The following ADAMTS2 variants were observed in gnomAD, a reference collection of about 807,000 sequenced individuals.
ADAMTS2 encodes the protein A disintegrin and metalloproteinase with thrombospondin motifs 2.
Under a neutral mutation model 123.0 loss-of-function variants are expected in ADAMTS2, and 50 were observed. The ratio of observed to expected loss-of-function variants is 0.41; its 90% CI spans 0.32 to 0.51. The LOEUF (loss-of-function observed/expected upper bound fraction) is 0.51, where lower values mean the gene tolerates loss of function less well. Ranked by LOEUF, ADAMTS2 falls within the 20% of genes least tolerant of loss-of-function variation. The probability of loss-of-function intolerance (pLI) is 0.35; values close to 1 mark genes in which losing one functional copy is unlikely to be tolerated. For missense variants in ADAMTS2, 1,494 were observed against 1,705.2 expected (o/e 0.88, Z 2.18); for synonymous variants, 678 against 695.4 (o/e 0.98, Z 0.39).
rs1055933976 is a variant in ADAMTS2 at position 179,118,339 on chromosome 5, A to G, written c.3178+3322T>C. On this transcript the variant is annotated intron_variant, in intron 21 of 21. Coordinates refer to ENST00000251582, the MANE Select transcript of ADAMTS2 (RefSeq NM_014244.5). The surrounding 1 kb of genome is among the most constrained non-coding windows in gnomAD (Gnocchi z 4.5). ...CAGAGAAGAGTGATGCACCTGAGGT[A>G]ATGACTGGCGATGCCTCTCCGCCAA... 6.6e-6 allele frequency among the ~76,000 whole-genome samples: 1 copy of G among 152,088 alleles called. No homozygotes were observed. The highest frequency in any genetic ancestry group is 1.5e-5 in the Non-Finnish European group (1 of 68,024).
intron 3 of ADAMTS2, among the ~76,000 whole-genome samples, chr5:179,250,628 C>A (rs574256614): frequency 6.6e-6 from 1 of 152,250 alleles, no homozygotes; most frequent in Non-Finnish European, 1.5e-5. Flanking sequence ...AGCCCAGGCC[C>A]CAGGCAACCC....
At position 179,180,600 on chromosome 5, in the gene ADAMTS2, T is replaced by C. The variant is rs1296980019; in HGVS notation, c.975+472A>G. ...CCACCTCCTTTATCAGACTTCACACTCTGAGCCACTATCCCCCTGCCCTCA... is the reference window on the plus strand; with the variant it reads ...CCACCTCCTTTATCAGACTTCACACCCTGAGCCACTATCCCCCTGCCCTCA... On this transcript the variant is annotated intron_variant, in intron 5 of 21. Coordinates refer to ENST00000251582, the MANE Select transcript of ADAMTS2 (RefSeq NM_014244.5). This position sits in a 1 kb window ranked among gnomAD's most constrained non-coding sequence, Gnocchi z 4.6. 6.6e-6 allele frequency among the ~76,000 whole-genome samples: 1 copy of C among 152,050 alleles called. No homozygotes were observed. Among genetic ancestry groups the C allele is most frequent in the Middle Eastern group, 3.2e-3 (1 of 316 alleles).
intron 3 of ADAMTS2, among the ~76,000 whole-genome samples, chr5:179,239,902 G>A (rs1168384228): frequency 2.0e-5 from 3 of 152,198 alleles, no homozygotes; most frequent in South Asian, 2.1e-4. Flanking sequence ...TGCTAGGGAT[G>A]GCGACTGAGG....
chr5:179,206,827 G>A lies in ADAMTS2; in HGVS notation c.891+686C>T, dbSNP rs533970370. Among the ~76,000 whole-genome samples the A allele has an allele frequency of 9.8e-5, 15 of 152,352 alleles. No individual in the cohort carries two copies. In the South Asian group the frequency reaches 3.1e-3, roughly 32 times the overall value. ...AGGTTGTTGGGGGTATGGAATGAGG[G>A]GGAGGTGGTTCTTTAATCTCTTAGT... On this transcript the variant is annotated intron_variant, in intron 4 of 21. Coordinates refer to ENST00000251582, the MANE Select transcript of ADAMTS2 (RefSeq NM_014244.5).
At chr5:179,126,874 T>G (rs4700783) in intron 17 of ADAMTS2, among the ~76,000 whole-genome samples, 22,502 of 149,456 alleles carry the variant, frequency 0.15, 1,735 homozygotes, top group African/African-American at 0.2. Context: ...AGGAGAAGCC[T>G]GCGCAGAGGC....
At position 179,117,699 on chromosome 5, in the gene ADAMTS2, G is replaced by A. The variant is rs192757232; in HGVS notation, c.3179-3375C>T. ...ACTACAGGTGCGTGCCACCATGCCC[G>A]GCTAATTTTTGTATTTTTAGTAGAG... On this transcript the variant is annotated intron_variant, in intron 21 of 21. Coordinates refer to ENST00000251582, the MANE Select transcript of ADAMTS2 (RefSeq NM_014244.5). This position sits in a 1 kb window ranked among gnomAD's most constrained non-coding sequence, Gnocchi z 4.2. 6.0e-4 allele frequency among the ~76,000 whole-genome samples: 91 copies of A among 152,080 alleles called. No homozygotes were observed. Among genetic ancestry groups the A allele is most frequent in the African/African-American group, 2.1e-3 (88 of 41,486 alleles).
In ADAMTS2 at chr5:179,189,298, G is replaced by A. The variant is rs544518930; in HGVS notation, c.892-8143C>T. Among the ~76,000 whole-genome samples, 17 of 152,072 alleles carry A rather than the reference G, an allele frequency of 1.1e-4. No homozygotes were observed. The highest frequency in any genetic ancestry group is 1.9e-4 in the Non-Finnish European group (13 of 68,014). Reference sequence around the variant, plus strand: ...AAAAAGAGAGTCAGCAAAGGGTGGTGGGACTACCATTCGTTGGTATAGGTT... The same window carrying A: ...AAAAAGAGAGTCAGCAAAGGGTGGTAGGACTACCATTCGTTGGTATAGGTT... On this transcript the variant is annotated intron_variant, in intron 4 of 21. Transcript: ENST00000251582. This position sits in a 1 kb window ranked among gnomAD's most constrained non-coding sequence, Gnocchi z 4.2.
chr5:179,154,576 C>T (rs991255147), intron 7 of ADAMTS2, among the ~76,000 whole-genome samples: 1 of 152,244 alleles, frequency 6.6e-6, no homozygotes, highest in African/African-American at 2.4e-5. Flanking sequence ...GTCCCCAGCT[C>T]TAGCTGGCCC....
At chr5:179,283,611 G>A (rs377406147) in intron 2 of ADAMTS2, among the ~76,000 whole-genome samples, 1 of 130,760 alleles carries the variant, frequency 7.6e-6, no homozygotes, top group East Asian at 2.3e-4. Flanking sequence ...ACAGAAGTAA[G>A]AACAAATATA....
At chr5:179,123,947 G>A (rs1561766945) in intron 19 of ADAMTS2, among the ~76,000 whole-genome samples, 3 of 152,142 alleles carry the variant, frequency 2.0e-5, no homozygotes, top group African/African-American at 4.8e-5. Flanking sequence ...AACCCTGGAC[G>A]CCCAGGCTCT....
At position 179,185,699 on chromosome 5, in the gene ADAMTS2, C is replaced by T. The variant is rs953376901; in HGVS notation, c.892-4544G>A. On this transcript the variant is annotated intron_variant, in intron 4 of 21. Coordinates refer to ENST00000251582, the MANE Select transcript of ADAMTS2 (RefSeq NM_014244.5). The surrounding 1 kb of genome is among the most constrained non-coding windows in gnomAD (Gnocchi z 5.9). The stretch of plus-strand genomic sequence containing the variant: ...CTCACATTCTGCTTGGAGGTGGGGT[C>T]GAGGCAGCTGAGCCCTGGGGTGTCA... Among the ~76,000 whole-genome samples, 7 of 151,922 alleles carry T rather than the reference C, an allele frequency of 4.6e-5. No individual in the cohort carries two copies. Among genetic ancestry groups the T allele is most frequent in the African/African-American group, 1.2e-4 (5 of 41,364 alleles).
Position 179,314,675 on chromosome 5 carries a change from C to T in ADAMTS2, c.534+29092G>A. On this transcript the variant is annotated intron_variant, in intron 2 of 21. Coordinates refer to ENST00000251582, the MANE Select transcript of ADAMTS2 (RefSeq NM_014244.5). This position sits in a 1 kb window ranked among gnomAD's most constrained non-coding sequence, Gnocchi z 4.5. ...CCCACAGGGTGACGGGCCAGAATTA[C>T]AAGCCCCTGATTCTGGGGGCTTCCA... is the stretch of plus-strand genomic sequence containing the variant. Among the ~76,000 whole-genome samples the T allele has an allele frequency of 6.6e-6, 1 of 151,856 alleles. No individual in the cohort carries two copies. Among genetic ancestry groups the T allele is most frequent in the Non-Finnish European group, 1.5e-5 (1 of 68,018 alleles).
In ADAMTS2 at chr5:179,136,058, C is replaced by T; in HGVS notation, c.1952-16G>A. On this transcript the variant is annotated splice_polypyrimidine_tract_variant and intron_variant, in intron 12 of 21. Transcript: ENST00000251582. ...CTCTCCTTGGCTGGAAGGGAAGCAG[C>T]TGGGGGTCTGCAAGGAGCCCTGATG... 1 of 1,613,038 alleles carries T rather than the reference C, an allele frequency of 6.2e-7. No homozygotes were observed.
chr5:179,114,499 G>A (rs1043751075), intron 21 of ADAMTS2, among the ~76,000 whole-genome samples, 175 bp from the exon 22 acceptor site: 3 of 152,150 alleles, frequency 2.0e-5, no homozygotes, highest in Non-Finnish European at 4.4e-5. Flanking sequence ...CCCAGTGCAG[G>A]CAGTGTCCAG....
At chr5:179,224,141 T>C (rs1765214199) in intron 3 of ADAMTS2, among the ~76,000 whole-genome samples, 1 of 152,160 alleles carries the variant, frequency 6.6e-6, no homozygotes, top group Admixed American at 6.5e-5. Context: ...TTCCTGGCCG[T>C]CATTTACAGG....
At chr5:179,193,718 C>G (rs1428316576) in intron 4 of ADAMTS2, among the ~76,000 whole-genome samples, 1 of 152,218 alleles carries the variant, frequency 6.6e-6, no homozygotes, top group African/African-American at 2.4e-5. Context: ...CGTGCCAGGC[C>G]TTTTCCAGGT....
chr5:179,223,903 G>A (rs992378213), intron 3 of ADAMTS2, among the ~76,000 whole-genome samples: 1 of 152,262 alleles, frequency 6.6e-6, no homozygotes, highest in African/African-American at 2.4e-5. Flanking sequence ...GACTGAGGTG[G>A]CCCTTGACCC....
chr5:179,180,975 G>A lies in ADAMTS2; in HGVS notation c.975+97C>T. The A allele has an allele frequency of 2.1e-6, 2 of 943,616 alleles. No individual in the cohort carries two copies. The highest frequency in any genetic ancestry group is 5.0e-5 in the East Asian group (2 of 40,112). 58.5% of individuals were successfully genotyped at this position (943,616 alleles called of 1,614,324 possible). A position where few individuals can be genotyped will look rare whatever the true frequency, so the allele number is the denominator to read the frequency against. On this transcript the variant is annotated intron_variant, in intron 5 of 21. Coordinates refer to ENST00000251582, the MANE Select transcript of ADAMTS2 (RefSeq NM_014244.5). This position sits in a 1 kb window ranked among gnomAD's most constrained non-coding sequence, Gnocchi z 4.6. ...GCCAGGGAGAGGCAGGGTGGTTCTG[G>A]CAAACGCACACACTCTCCAAGGAGG... is the stretch of plus-strand genomic sequence containing the variant.
chr5:179,316,959 A>AT (rs1757016863), intron 2 of ADAMTS2, among the ~76,000 whole-genome samples: 1 of 152,178 alleles, frequency 6.6e-6, no homozygotes, highest in African/African-American at 2.4e-5. Flanking sequence ...AATATATTTA[A>AT]TTTTTTAAAA....
Sources: gnomAD v4.1 joint callset for allele counts (sites outside exome capture counted in the v4.1 genomes callset) on GRCh38, gnomAD v4.1.1 for gene constraint, Gnocchi (gnomAD v3.1) non-coding constraint, MANE v1.5 for transcripts, NCBI Gene and HGNC (gene_info 2026-07-23, HGNC 2026-07-21) for gene names.